Variants in UST observed in about 807,000 individuals in gnomAD.
The protein encoded by UST is uronyl 2-sulfotransferase, also known as chondroitin sulfate 2-O-sulfotransferase.
Under a neutral mutation model 45.6 loss-of-function variants are expected in UST, and 21 were observed. The observed-to-expected ratio is 0.46, with a 90% CI of 0.33 to 0.66. The LOEUF (loss-of-function observed/expected upper bound fraction) is 0.66, where lower values mean the gene tolerates loss of function less well. Among genes scored for constraint, UST ranks in the 30% least tolerant of loss-of-function variants. The probability of loss-of-function intolerance (pLI) is 0.02; values close to 1 mark genes in which losing one functional copy is unlikely to be tolerated. For synonymous variants in UST, 215 were observed against 200.6 expected, an observed-to-expected ratio of 1.07 and a Z score of -0.61; for missense variants, 463 against 512.4, an observed-to-expected ratio of 0.90 and a Z score of 0.93.
chr6:148,913,732 G>A (rs922119560), intron 2 of UST, among the ~76,000 whole-genome samples: 17 of 151,898 alleles, frequency 1.1e-4, no homozygotes, highest in Non-Finnish European at 1.5e-4. Flanking sequence ...CATATTAGAC[G>A]AAAGTCATTT....
chr6:148,864,922 A>T (rs943045420), intron 1 of UST, among the ~76,000 whole-genome samples: 1 of 152,204 alleles, frequency 6.6e-6, no homozygotes, highest in Non-Finnish European at 1.5e-5. Context: ...GCTAATAAAA[A>T]TTTTTAAAAT....
chr6:148,751,780 G>A (rs1775997029), intron 1 of UST, among the ~76,000 whole-genome samples: 1 of 151,996 alleles, frequency 6.6e-6, no homozygotes, highest in South Asian at 2.1e-4. Context: ...TTTTGCTATG[G>A]AAAACAAACA....
Position 148,901,466 on chromosome 6 carries a change from C to T in UST, c.291+14437C>T, listed in dbSNP as rs180987756. On this transcript the variant is annotated intron_variant, in intron 2 of 7. Coordinates refer to ENST00000367463, the MANE Select transcript of UST (RefSeq NM_005715.3). ...GCATTACCGTCTCAACACAGGACCT[C>T]CAATGTTACTGTGGCACAGAGCAGA... 1.5e-3 allele frequency among the ~76,000 whole-genome samples: 222 copies of T among 152,182 alleles called. 1 individual carries two copies. The highest frequency in any genetic ancestry group is 0.014 in the Middle Eastern group (4 of 294).
chr6:149,006,528 G>T (rs1490095857), intron 5 of UST, among the ~76,000 whole-genome samples: 4 of 152,124 alleles, frequency 2.6e-5, no homozygotes, highest in African/African-American at 4.8e-5. Context: ...CTGTGTCCTT[G>T]CTATTATGAA....
chr6:148,856,778 T>C (rs1778213438), intron 1 of UST, among the ~76,000 whole-genome samples: 1 of 152,148 alleles, frequency 6.6e-6, no homozygotes, highest in Non-Finnish European at 1.5e-5. Flanking sequence ...TTCAGGTTGG[T>C]CTTCATACCA....
intron 1 of UST, among the ~76,000 whole-genome samples, chr6:148,832,738 T>G (rs1369451235): frequency 4.6e-5 from 7 of 152,174 alleles, no homozygotes; most frequent in Admixed American, 2.0e-4. Flanking sequence ...CTTATTAGAG[T>G]TGGGATACCC....
At chr6:148,897,339 TA>T (rs1222774008) in intron 2 of UST, among the ~76,000 whole-genome samples, 3 of 151,698 alleles carry the variant, frequency 2.0e-5, no homozygotes, top group African/African-American at 7.3e-5. Context: ...AGCTAATTTT[TA>T]TATTTTCAGT....
At chr6:148,867,945 T>C (rs1057253423) in intron 1 of UST, among the ~76,000 whole-genome samples, 39 of 152,192 alleles carry the variant, frequency 2.6e-4, no homozygotes, top group African/African-American at 8.9e-4. Context: ...GAAGTAAGGT[T>C]GGAAGATCAT....
At chr6:148,923,577 G>A (rs912848623) in intron 2 of UST, among the ~76,000 whole-genome samples, 1 of 152,230 alleles carries the variant, frequency 6.6e-6, no homozygotes, top group African/African-American at 2.4e-5. Context: ...AAATGCTAGA[G>A]TCTCTTCCTA....
chr6:148,887,041 G>C lies in UST; in HGVS notation c.291+12G>C. On this transcript the variant is annotated intron_variant, in intron 2 of 7. Coordinates refer to ENST00000367463, the MANE Select transcript of UST (RefSeq NM_005715.3). ...CACCTCCTAGTAAGGTAAGATCTTT[G>C]CTTGTGATATAAGTCCCCTTTTTCT... The C allele has an allele frequency of 6.2e-7, 1 of 1,608,718 alleles. No individual in the cohort carries two copies. The highest frequency in any genetic ancestry group is 8.5e-7 in the Non-Finnish European group (1 of 1,176,404).
intron 3 of UST, among the ~76,000 whole-genome samples, chr6:148,952,088 A>G (rs1780376149): frequency 6.6e-6 from 1 of 152,256 alleles, no homozygotes; most frequent in Middle Eastern, 3.2e-3. Flanking sequence ...AAATATCTGA[A>G]TAAAATAACC....
At chr6:148,995,192 T>C (rs574167022) in intron 5 of UST, among the ~76,000 whole-genome samples, 190 of 152,298 alleles carry the variant, frequency 1.2e-3, no homozygotes, top group African/African-American at 4.5e-3. Context: ...ACTTGGCTAA[T>C]TTTTGTATTT....
intron 1 of UST, among the ~76,000 whole-genome samples, chr6:148,779,880 A>C (rs572034674): frequency 1.7e-3 from 264 of 152,044 alleles, no homozygotes; most frequent in Non-Finnish European, 2.7e-3. Context: ...CCCTCCTGTT[A>C]GCTGCCTCTG....
chr6:148,839,157 G>A (rs951535049), intron 1 of UST, among the ~76,000 whole-genome samples: 1 of 152,118 alleles, frequency 6.6e-6, no homozygotes, highest in Non-Finnish European at 1.5e-5. Flanking sequence ...TCTTGCACTC[G>A]GCCGCAGCAG....
intron 5 of UST, among the ~76,000 whole-genome samples, chr6:148,970,873 T>G (rs544037539): frequency 6.6e-6 from 1 of 152,292 alleles, no homozygotes; most frequent in East Asian, 1.9e-4. Flanking sequence ...TTTTAAGGAC[T>G]TATGTCATTA....
chr6:148,782,746 C>T (rs922127125), intron 1 of UST, among the ~76,000 whole-genome samples: 4 of 152,196 alleles, frequency 2.6e-5, no homozygotes, highest in African/African-American at 7.2e-5. Context: ...AGCCACAGTG[C>T]CCGGCCAAGT....
intron 5 of UST, among the ~76,000 whole-genome samples, chr6:149,002,125 C>A (rs1781561614): frequency 6.6e-6 from 1 of 150,988 alleles, no homozygotes; most frequent in Non-Finnish European, 1.5e-5. Context: ...TTGTAAGAGT[C>A]ATCCATGTGT....
At chr6:148,882,939 A>G (rs62426099) in intron 1 of UST, among the ~76,000 whole-genome samples, 11,414 of 152,332 alleles carry the variant, frequency 0.075, 648 homozygotes, top group South Asian at 0.17. Flanking sequence ...TTGAATATGT[A>G]GATGCGAGAA....
intron 1 of UST, among the ~76,000 whole-genome samples, chr6:148,846,101 A>G (rs1273458272): frequency 6.6e-6 from 1 of 150,830 alleles, no homozygotes; most frequent in Non-Finnish European, 1.5e-5. Flanking sequence ...TACTGGGTAT[A>G]TACCCAAAGG....
Sources: gnomAD v4.1 joint callset for allele counts (sites outside exome capture counted in the v4.1 genomes callset) on GRCh38, gnomAD v4.1.1 for gene constraint, MANE v1.5 for transcripts, NCBI Gene and HGNC (gene_info 2026-07-23, HGNC 2026-07-21) for gene names.